Variants in TRAPPC9 observed in about 807,000 individuals in gnomAD.
TRAPPC9 encodes the protein IKK2 binding protein.
Under a neutral mutation model 124.0 loss-of-function variants are expected in TRAPPC9, and 83 were observed. The observed-to-expected ratio is 0.67, with a 90% CI of 0.56 to 0.80. The LOEUF (loss-of-function observed/expected upper bound fraction) is 0.80. TRAPPC9 is among the 30% of genes least tolerant of loss of function. The pLI is 0.00. For synonymous variants in TRAPPC9, 638 were observed against 617.5 expected (o/e 1.03, Z -0.49); for missense variants, 1,302 against 1,508.3 (o/e 0.86, Z 2.27).
Position 139,907,769 on chromosome 8 carries a change from A to G in TRAPPC9, c.2964+2378T>C, listed in dbSNP as rs1184531871. ...TACAGAAAATAGAGAAGTCAAACGC[A>G]AAGACATTTTCTGTACTTTTTTGAT... On this transcript the variant is annotated intron_variant, in intron 20 of 22. Transcript: ENST00000438773. The surrounding 1 kb of genome is among the most constrained non-coding windows in gnomAD (Gnocchi z 4.7). 6.6e-6 allele frequency among the ~76,000 whole-genome samples: 1 copy of G among 152,246 alleles called. No homozygotes were observed. The highest frequency in any genetic ancestry group is 1.5e-5 in the Non-Finnish European group (1 of 68,042).
At chr8:139,925,827 G>GCGCACACACA (rs1554673867) in intron 19 of TRAPPC9, among the ~76,000 whole-genome samples, 1 of 68,660 alleles carries the variant, frequency 1.5e-5, no homozygotes, top group African/African-American at 4.1e-5. Flanking sequence ...ACACGCACAC[G>GCGCACACACA]CACACACACA....
At chr8:139,954,013 G>C (rs1042893020) in intron 19 of TRAPPC9, among the ~76,000 whole-genome samples, 1 of 152,172 alleles carries the variant, frequency 6.6e-6, no homozygotes, top group African/African-American at 2.4e-5. Context: ...CTGAGTGAAA[G>C]AAGCCAGATC....
At chr8:139,979,257 C>T (rs1836715741) in intron 19 of TRAPPC9, among the ~76,000 whole-genome samples, 1 of 152,110 alleles carries the variant, frequency 6.6e-6, no homozygotes, top group Admixed American at 6.5e-5. Context: ...GTGGTGAGAG[C>T]CTGGGAGTGA....
At chr8:140,089,694 C>T (rs1204232378) in intron 17 of TRAPPC9, among the ~76,000 whole-genome samples, 1 of 152,060 alleles carries the variant, frequency 6.6e-6, no homozygotes, top group Non-Finnish European at 1.5e-5. Context: ...TCACAGATTC[C>T]CAGAGCCAAG....
At chr8:140,383,602 A>G (rs937934212) in intron 7 of TRAPPC9, among the ~76,000 whole-genome samples, 1 of 152,222 alleles carries the variant, frequency 6.6e-6, no homozygotes, top group Non-Finnish European at 1.5e-5. Context: ...GGGAGAAGAG[A>G]AGTTTAGAGA....
chr8:139,889,933 T>G (rs1830231121), intron 20 of TRAPPC9, among the ~76,000 whole-genome samples: 1 of 152,180 alleles, frequency 6.6e-6, no homozygotes, highest in Non-Finnish European at 1.5e-5. Flanking sequence ...CCCTCAGCAG[T>G]CAGGCTGCAT....
intron 21 of TRAPPC9, among the ~76,000 whole-genome samples, chr8:139,794,502 G>A (rs578019022): frequency 6.6e-6 from 1 of 152,350 alleles, no homozygotes; most frequent in South Asian, 2.1e-4. Context: ...ACTCCTGGGA[G>A]CCTCAGTTGA....
In TRAPPC9 at chr8:140,426,677, A is replaced by G. The variant is rs778511474; in HGVS notation, c.860-36T>C. 11 of 1,597,750 alleles carry G rather than the reference A, an allele frequency of 6.9e-6. No individual in the cohort carries two copies. The South Asian group carries it at 1.2e-4, about 18-fold the overall frequency. ...GAACAGATTATGGTATTTTATTTGG[A>G]AAACAAAACTACTTTTAAAAATAAC... is the stretch of plus-strand genomic sequence containing the variant. On this transcript the variant is annotated intron_variant, in intron 4 of 22. Coordinates refer to ENST00000438773, the MANE Select transcript of TRAPPC9 (RefSeq NM_001160372.4).
At chr8:140,187,957 A>G (rs2062389096) in intron 17 of TRAPPC9, among the ~76,000 whole-genome samples, 1 of 152,206 alleles carries the variant, frequency 6.6e-6, no homozygotes, top group Non-Finnish European at 1.5e-5. Context: ...TCTTAAAAGC[A>G]GTGATGGGTC....
chr8:140,143,151 C>T (rs1039069120), intron 17 of TRAPPC9, among the ~76,000 whole-genome samples: 7 of 152,186 alleles, frequency 4.6e-5, no homozygotes, highest in African/African-American at 7.2e-5. Flanking sequence ...GGTTAGCATG[C>T]GTTTCCCTGA....
intron 19 of TRAPPC9, among the ~76,000 whole-genome samples, chr8:139,977,662 CTCATTCAT>C (rs112071784): frequency 0.066 from 9,305 of 140,242 alleles, 419 homozygotes; most frequent in African/African-American, 0.12. Context: ...CTCCCTCCTC[CTCATTCAT>C]TCATTCATTC....
At chr8:139,789,083 T>G (rs911228989) in intron 21 of TRAPPC9, among the ~76,000 whole-genome samples, 1 of 152,198 alleles carries the variant, frequency 6.6e-6, no homozygotes, top group East Asian at 1.9e-4. Context: ...TCATAAATTA[T>G]CCAAAATGCA....
intron 9 of TRAPPC9, among the ~76,000 whole-genome samples, chr8:140,335,827 C>T (rs1438908070): frequency 6.6e-6 from 1 of 151,238 alleles, no homozygotes; most frequent in Non-Finnish European, 1.5e-5. Flanking sequence ...CCGCTTTAGC[C>T]TCCCGAGTAG....
chr8:140,172,661 A>G (rs570052510), intron 17 of TRAPPC9, among the ~76,000 whole-genome samples: 49 of 152,292 alleles, frequency 3.2e-4, no homozygotes, highest in African/African-American at 1.1e-3. Flanking sequence ...ACTTCCTGAC[A>G]CTCAGAAATG....
At chr8:140,224,968 A>G (rs2063414121) in intron 16 of TRAPPC9, among the ~76,000 whole-genome samples, 1 of 152,202 alleles carries the variant, frequency 6.6e-6, no homozygotes, top group African/African-American at 2.4e-5. Context: ...AATGAACTTC[A>G]TCAAGTCAAA....
chr8:140,015,179 T>G (rs949885187), intron 18 of TRAPPC9, among the ~76,000 whole-genome samples: 7 of 150,584 alleles, frequency 4.6e-5, no homozygotes, highest in African/African-American at 1.7e-4. Flanking sequence ...CACTGGCATG[T>G]ATGTGGCCAT....
At chr8:140,066,613 C>G (rs1437384125) in intron 17 of TRAPPC9, among the ~76,000 whole-genome samples, 1 of 152,174 alleles carries the variant, frequency 6.6e-6, no homozygotes, top group Admixed American at 6.5e-5. Context: ...TTTGTAAATA[C>G]GTCAATGTAA....
intron 18 of TRAPPC9, among the ~76,000 whole-genome samples, chr8:139,998,813 A>T (rs1587455427): frequency 6.6e-6 from 1 of 152,238 alleles, no homozygotes; most frequent in African/African-American, 2.4e-5. Flanking sequence ...TGGGTTTACA[A>T]TGTATACAGA....
At chr8:139,995,235 C>T (rs560007695) in intron 18 of TRAPPC9, among the ~76,000 whole-genome samples, 2 of 152,318 alleles carry the variant, frequency 1.3e-5, no homozygotes, top group Non-Finnish European at 2.9e-5. Context: ...CAGAGGCGTG[C>T]CCTGTGTATA....
Sources: gnomAD v4.1 joint callset for allele counts (sites outside exome capture counted in the v4.1 genomes callset) on GRCh38, gnomAD v4.1.1 for gene constraint, Gnocchi (gnomAD v3.1) non-coding constraint, MANE v1.5 for transcripts, NCBI Gene and HGNC (gene_info 2026-07-23, HGNC 2026-07-21) for gene names.